Variants in HERC1 observed in about 807,000 individuals in gnomAD.
HERC1 encodes the protein probable E3 ubiquitin-protein ligase HERC1.
A neutral mutation model predicts 554.3 loss-of-function variants in HERC1; 160 were observed. The ratio of observed to expected loss-of-function variants is 0.29; its 90% confidence interval spans 0.25 to 0.33. The LOEUF is 0.33. Ranked by LOEUF, HERC1 falls within the 10% of genes least tolerant of loss-of-function variation. The pLI is 1.00. For missense variants in HERC1, 4,919 were observed against 5,918.5 expected (o/e 0.83, Z 5.54); for synonymous variants, 2,175 against 2,131.7 (o/e 1.02, Z -0.56).
chr15:63,637,552 C>T lies in HERC1; in HGVS notation c.12185G>A (p.Gly4062Glu). Residue 4062 changes from glycine to glutamate, a missense_variant, in exon 64 of 78, where the codon GGA becomes GAA. Around this residue, in one of 11 missense-constraint regions of HERC1, gnomAD observed 122 missense variants for 195.2 expected, o/e 0.63. Transcript: ENST00000443617. ...GEGSYGRLGQ[G>E]NSDDLHVLTV... is the part of the protein sequence containing the mutation. ...CAGCACATGAAGGTCATCTGAATTTCCTTGTCCTAATCTGCCATAACTTCC... is the reference window on the plus strand; with the variant it reads ...CAGCACATGAAGGTCATCTGAATTTTCTTGTCCTAATCTGCCATAACTTCC... 6.4e-7 allele frequency: 1 copy of T among 1,564,326 alleles called. No homozygotes were observed. Among genetic ancestry groups the T allele is most frequent in the Non-Finnish European group, 8.7e-7 (1 of 1,152,822 alleles).
Position 63,648,084 on chromosome 15 carries a change from T to C in HERC1, c.10863A>G (p.Leu3621=). 1 of 1,558,372 alleles carries C rather than the reference T, an allele frequency of 6.4e-7. No individual in the cohort carries two copies. Among genetic ancestry groups the C allele is most frequent in the Non-Finnish European group, 8.7e-7 (1 of 1,149,770 alleles). ...ATGCATTTACCTTATGTGCATCAAT[T>C]AGAACAATGCCTCCTTTCTCAAGTG... is the stretch of plus-strand genomic sequence containing the variant. ...KEPLEKGGIV[L]IDAHKDTLIS... The change falls in exon 55 of 78, where the codon CTA becomes CTG. Residue 3621 remains leucine, a synonymous_variant. Transcript: ENST00000443617.
intron 42 of HERC1, among the ~76,000 whole-genome samples, chr15:63,665,190 A>G (rs2070558192): frequency 6.6e-6 from 1 of 152,222 alleles, no homozygotes; most frequent in South Asian, 2.1e-4. Context: ...CTAGATATTA[A>G]AAACTATAGA....
chr15:63,744,727 C>T (rs182238064), intron 12 of HERC1, among the ~76,000 whole-genome samples: 20 of 152,250 alleles, frequency 1.3e-4, no homozygotes, highest in African/African-American at 4.3e-4. Context: ...TACTGCCTGG[C>T]CTAGGTCTCA....
intron 1 of HERC1, among the ~76,000 whole-genome samples, chr15:63,802,967 C>G (rs1037704969): frequency 2.0e-5 from 3 of 152,082 alleles, no homozygotes; most frequent in Admixed American, 6.6e-5. Flanking sequence ...CCCAACACTT[C>G]GGGAGGCCAA....
chr15:63,726,917 G>T (rs972930053), intron 17 of HERC1, among the ~76,000 whole-genome samples: 2 of 151,992 alleles, frequency 1.3e-5, no homozygotes, highest in African/African-American at 4.8e-5. Flanking sequence ...AAACATAGAT[G>T]AAAAAATAAA....
rs938094148 is a variant in HERC1, at chr15:63,706,782, C to T, written c.4634G>A (p.Arg1545Lys). Residue 1545 changes from arginine to lysine, a missense_variant and splice_region_variant, in exon 25 of 78, where the codon AGA becomes AAA. Physicochemically the swap from Arg to Lys is conservative, Grantham distance 26. Coordinates refer to ENST00000443617, the MANE Select transcript of HERC1 (RefSeq NM_003922.4). ...ATGTTCTTAATACTTACACTTACCT[C>T]TCTTTCTGTGAGATGCTGCCAAATC... ...DLDLAASHRK[R>K]GPMHSQLESL... 1 of 1,533,640 alleles carries T rather than the reference C, an allele frequency of 6.5e-7. No individual in the cohort carries two copies. Among genetic ancestry groups the T allele is most frequent in the Non-Finnish European group, 8.8e-7 (1 of 1,132,454 alleles).
In HERC1 at chr15:63,770,884, A is replaced by G. The variant is rs116677296; in HGVS notation, c.930+3810T>C. On this transcript the variant is annotated intron_variant, in intron 2 of 77. Transcript: ENST00000443617. ...ACTTCCTAGTTCTCAGACAACAGTA[A>G]AGTGTAAGAAACATGGGTTCTAGGC... Among the ~76,000 whole-genome samples, 697 of 152,256 alleles carry G rather than the reference A, an allele frequency of 4.6e-3. 4 individuals are homozygous for G. The highest frequency in any genetic ancestry group is 0.016 in the African/African-American group (658 of 41,550).
In HERC1 at chr15:63,761,030, T is replaced by C. The variant is rs189974349; in HGVS notation, c.1027-2661A>G. ...AGAGAATGGAGTAACATATTTAAGA[T>C]AGACAAGAAGAAAAGAAAATGTGAA... is the stretch of plus-strand genomic sequence containing the variant. On this transcript the variant is annotated intron_variant, in intron 3 of 77. Transcript: ENST00000443617. 1.2e-3 allele frequency among the ~76,000 whole-genome samples: 186 copies of C among 152,176 alleles called. 3 individuals are homozygous for C. The highest frequency in any genetic ancestry group is 4.2e-3 in the African/African-American group (175 of 41,512).
chr15:63,648,492 A>C (rs1259375323), intron 54 of HERC1, among the ~76,000 whole-genome samples: 1 of 152,266 alleles, frequency 6.6e-6, no homozygotes, highest in African/African-American at 2.4e-5. Flanking sequence ...GCTGATTGTA[A>C]GTCACCATAG....
rs1447249411 is a variant in HERC1 at position 63,696,355 on chromosome 15, A to G, written c.4906-16T>C. ...CTAAACGAAGCTTGAGGAAAAAAAC[A>G]TATTTTAGAGTTCTTCACTTAACTC... On this transcript the variant is annotated splice_polypyrimidine_tract_variant and intron_variant, in intron 26 of 77. Coordinates refer to ENST00000443617, the MANE Select transcript of HERC1 (RefSeq NM_003922.4). The G allele has an allele frequency of 4.4e-6, 7 of 1,576,480 alleles. No homozygotes were observed. Among genetic ancestry groups the G allele is most frequent in the African/African-American group, 4.0e-5 (3 of 74,184 alleles).
At chr15:63,764,792 C>T (rs912320424) in intron 2 of HERC1, among the ~76,000 whole-genome samples, 1 of 152,132 alleles carries the variant, frequency 6.6e-6, no homozygotes, top group South Asian at 2.1e-4. Flanking sequence ...CAGGGAAAGG[C>T]AGTCTCCCAA....
chr15:63,609,383 G>C, intron 77 of HERC1, 117 bp from the exon 78 acceptor site: 4 of 907,552 alleles, frequency 4.4e-6, no homozygotes, highest in Non-Finnish European at 6.4e-6. Flanking sequence ...ACATGGTTAA[G>C]TCAAGTGGAC....
At position 63,677,928 on chromosome 15, in the gene HERC1, C is replaced by T. The variant is rs200118123; in HGVS notation, c.6987G>A (p.Gly2329=). 6.2e-7 allele frequency: 1 copy of T among 1,614,014 alleles called. No individual in the cohort carries two copies. The highest frequency in any genetic ancestry group is 1.7e-5 in the Admixed American group (1 of 60,018). ...VGGRCVHKQT[G]RHATLLGVVK... is the part of the protein sequence containing the mutation. ...CCACTCCCAGCAGCGTGGCATGGCG[C>T]CCAGTTTGCTTGTGAACACACCGAC... The change falls in exon 37 of 78, where the codon GGG becomes GGA. Residue 2329 remains glycine (G), a synonymous_variant. Transcript: ENST00000443617. The surrounding 1 kb of genome is among the most constrained non-coding windows in gnomAD (Gnocchi z 4.4).
intron 8 of HERC1, among the ~76,000 whole-genome samples, chr15:63,750,433 GTGAC>G (rs1282285890): frequency 2.0e-5 from 3 of 152,126 alleles, no homozygotes; most frequent in East Asian, 1.9e-4. Flanking sequence ...AGACAAATAG[GTGAC>G]TGACTGACAA....
In HERC1 at chr15:63,665,181, T is replaced by C. The variant is rs536431387; in HGVS notation, c.8556-587A>G. ...TTACACTTAAAGGGGCATCTTCTAC[T>C]AGATATTAAAAACTATAGAAGAGAT... On this transcript the variant is annotated intron_variant, in intron 42 of 77. Coordinates refer to ENST00000443617, the MANE Select transcript of HERC1 (RefSeq NM_003922.4). Among the ~76,000 whole-genome samples the C allele has an allele frequency of 9.8e-5, 15 of 152,318 alleles. 1 individual carries two copies. The South Asian group carries it at 2.7e-3, about 27-fold the overall frequency.
At chr15:63,667,518 T>C (rs962452483) in intron 40 of HERC1, among the ~76,000 whole-genome samples, 2 of 151,994 alleles carry the variant, frequency 1.3e-5, no homozygotes, top group Admixed American at 1.3e-4. Flanking sequence ...GAAGAAAAGA[T>C]GAATGAATTA....
At chr15:63,618,255 A>C (rs2067910688) in intron 74 of HERC1, among the ~76,000 whole-genome samples, 1 of 152,000 alleles carries the variant, frequency 6.6e-6, no homozygotes, top group Non-Finnish European at 1.5e-5. Context: ...CCATTTATTA[A>C]ATAGGGAATC....
At position 63,789,078 on chromosome 15, in the gene HERC1, GTTTTTTTTTTTTTTT is replaced by G. The variant is rs71131178; in HGVS notation, c.-26-13444_-26-13430del. 4.2e-4 allele frequency among the ~76,000 whole-genome samples: 35 copies of G among 83,614 alleles called. 2 individuals are homozygous for G. The highest frequency in any genetic ancestry group is 3.4e-3 in the South Asian group (9 of 2,644). 54.9% of individuals were successfully genotyped at this position (83,614 alleles called of 152,430 possible). A position where few individuals can be genotyped will look rare whatever the true frequency, so the allele number is the denominator to read the frequency against. On this transcript the variant is annotated intron_variant, in intron 1 of 77. Transcript: ENST00000443617. ...TCTACTAATAAAGCAGGAATAAAAG[GTTTTTTTTTTTTTTT>G]TTTTTTTTTTTTTTTGAGACGGAGT...
chr15:63,691,708 A>C, intron 31 of HERC1, among the ~76,000 whole-genome samples: 1 of 152,188 alleles, frequency 6.6e-6, no homozygotes, highest in Non-Finnish European at 1.5e-5. Context: ...GTGTAAACAT[A>C]TAAAATACCA....
Sources: allele counts gnomAD v4.1 joint callset (sites outside exome capture counted in the v4.1 genomes callset), GRCh38; gene constraint gnomAD v4.1.1; regional missense constraint gnomAD v4.1.1; non-coding constraint Gnocchi (gnomAD v3.1); transcripts MANE v1.5; gene names NCBI Gene and HGNC (gene_info 2026-07-23, HGNC 2026-07-21).